TRNP1: variants seen among roughly 807,000 people sequenced by gnomAD.
TRNP1 encodes TMF-regulated nuclear protein 1.
In TRNP1, 16 loss-of-function variants were observed where a neutral mutation model predicts 12.2. That is an observed-to-expected ratio of 1.31 (90% confidence interval 0.89 to 1.99). The LOEUF (loss-of-function observed/expected upper bound fraction) is 1.99, where lower values mean the gene tolerates loss of function less well. Among genes scored for constraint, TRNP1 ranks in the 30% most tolerant of loss-of-function variants. TRNP1 has a pLI of 0.00. For synonymous variants in TRNP1, 139 were observed against 166.2 expected (o/e 0.84, Z 1.26); for missense variants, 338 against 330.4 (o/e 1.02, Z -0.18).
intron 1 of TRNP1, among the ~76,000 whole-genome samples, chr1:26,999,492 C>T (rs1432316231): frequency 6.6e-6 from 1 of 152,180 alleles, no homozygotes; most frequent in East Asian, 1.9e-4. Context: ...CTGGAGAGGC[C>T]GCCAGGACAG....
Position 26,993,813 on chromosome 1 carries a change from C to T in TRNP1, c.27C>T (p.Cys9=). MPGCRISA[C]GPGAQEGTAE... ...TGCCGGGCTGCCGCATCAGCGCCTG[C>T]GGCCCGGGGGCCCAGGAGGGGACGG... The change falls in exon 1 of 2, where the codon TGC becomes TGT. Residue 9 remains cysteine (C), a synonymous_variant. Transcript: ENST00000522111. 7.6e-7 allele frequency: 1 copy of T among 1,320,764 alleles called. No individual in the cohort carries two copies. Among genetic ancestry groups the T allele is most frequent in the Non-Finnish European group, 9.6e-7 (1 of 1,037,976 alleles). 81.8% of individuals were successfully genotyped at this position (1,320,764 alleles called of 1,614,324 possible).
intron 1 of TRNP1, among the ~76,000 whole-genome samples, chr1:26,997,077 C>A (rs112723805): frequency 0.037 from 5,527 of 151,288 alleles, 329 homozygotes; most frequent in African/African-American, 0.13. Flanking sequence ...TGGCTCATGC[C>A]TGTAATCCCA....
chr1:27,000,321 C>T lies in TRNP1; in HGVS notation c.*617C>T, dbSNP rs551022172. 4 of 152,304 alleles carry T rather than the reference C, an allele frequency of 2.6e-5. No homozygotes were observed. The South Asian group carries it at 6.2e-4, about 24-fold the overall frequency. 9.4% of individuals were successfully genotyped at this position (152,304 alleles called of 1,614,324 possible). ...GCCGGGAGGCCTGTTTGAGGGAAAA[C>T]ATTAGTTTGAAAAATCCCCGTTCCC... On this transcript the variant is annotated 3_prime_UTR_variant, in exon 2 of 2. Transcript: ENST00000522111.
At chr1:26,998,164 A>G (rs1394781451) in intron 1 of TRNP1, among the ~76,000 whole-genome samples, 3 of 151,846 alleles carry the variant, frequency 2.0e-5, no homozygotes, top group Non-Finnish European at 4.4e-5. Flanking sequence ...CGGGCGGATC[A>G]CGAGGTCAGG....
intron 1 of TRNP1, among the ~76,000 whole-genome samples, chr1:26,995,237 C>T (rs1044512557): frequency 2.6e-5 from 4 of 152,244 alleles, no homozygotes; most frequent in Admixed American, 2.6e-4. Flanking sequence ...CTGGCACCTG[C>T]TCACCCAGGG....
At position 26,994,304 on chromosome 1, in the gene TRNP1, C is replaced by A; in HGVS notation, c.518C>A (p.Pro173Gln). ...CACGGGTCGCGCCTCAAGAAGGGCC[C>A]GCGCCGCGGCCGCCGCGGCCGACCC... ...AAHGSRLKKG[P>Q]RRGRRGRPPA... Residue 173 changes from proline to glutamine, a missense_variant, in exon 1 of 2, where the codon CCG (proline) becomes CAG (glutamine). Pro to Gln is a moderately conservative substitution (Grantham distance 76). Coordinates refer to ENST00000522111, the MANE Select transcript of TRNP1 (RefSeq NM_001013642.3). The surrounding 1 kb of genome is among the most constrained non-coding windows in gnomAD (Gnocchi z 6.9). The A allele has an allele frequency of 8.7e-6, 10 of 1,143,334 alleles. No homozygotes were observed. The highest frequency in any genetic ancestry group is 1.1e-5 in the Non-Finnish European group (10 of 931,972). The allele number at this position is 1,143,334 out of a possible 1,614,324, so 70.8% of individuals were successfully genotyped here.
Position 26,993,937 on chromosome 1 carries a change from TC to T in TRNP1, c.155del (p.Pro52ArgfsTer97). 2.2e-6 allele frequency: 3 copies of T among 1,344,794 alleles called. No homozygotes were observed. Among genetic ancestry groups the T allele is most frequent in the South Asian group, 1.9e-5 (1 of 53,556 alleles). The allele number at this position is 1,344,794 out of a possible 1,614,324, so 83.3% of individuals were successfully genotyped here. A position where few individuals can be genotyped will look rare whatever the true frequency, so the allele number is the denominator to read the frequency against. On this transcript the variant is annotated frameshift_variant, in exon 1 of 2. Transcript: ENST00000522111. LOFTEE classifies it high-confidence loss of function. ...GACTCCTACCCCGACCCCGGGTCAG[TC>T]CCCGCCGCTGCCGGACGCAGCTGGG... The part of the protein sequence containing the change: ...TLTPTPTPGQ[S>X]PPLPDAAGAS...
At chr1:26,996,455 C>T (rs1557698988) in intron 1 of TRNP1, among the ~76,000 whole-genome samples, 2 of 152,264 alleles carry the variant, frequency 1.3e-5, no homozygotes, top group South Asian at 4.1e-4. Context: ...GTTAGGGAAC[C>T]CCAGGGAAGT....
intron 1 of TRNP1, among the ~76,000 whole-genome samples, chr1:26,995,748 A>C (rs560470475): frequency 3.3e-4 from 50 of 152,344 alleles, no homozygotes; most frequent in African/African-American, 1.1e-3. Flanking sequence ...CTCCTGCCTC[A>C]GCCTCCCAAG....
chr1:26,997,307 CTG>C (rs1213042099), intron 1 of TRNP1, among the ~76,000 whole-genome samples: 2 of 112,344 alleles, frequency 1.8e-5, no homozygotes, highest in South Asian at 3.6e-4. Flanking sequence ...CAGAGCAAGA[CTG>C]TGTCTCAAGA....
At chr1:26,999,145 C>CAAGGGCTTGCCTTG (rs2082560241) in intron 1 of TRNP1, among the ~76,000 whole-genome samples, 1 of 152,112 alleles carries the variant, frequency 6.6e-6, no homozygotes, top group Non-Finnish European at 1.5e-5. Flanking sequence ...TCAAGCCTCC[C>CAAGGGCTTGCCTTG]AAGGGCTTGC....
chr1:26,994,323 C>G lies in TRNP1; in HGVS notation c.537C>G (p.Gly179=), dbSNP rs4077651. 59,711 of 1,110,722 alleles carry G rather than the reference C, an allele frequency of 0.054. 1,635 individuals are homozygous for G. Among genetic ancestry groups the G allele is most frequent in the African/African-American group, 0.058 (3,460 of 59,910 alleles). The allele number at this position is 1,110,722 out of a possible 1,614,324, so 68.8% of individuals were successfully genotyped here. ...LKKGPRRGRR[G]RPPALLASAL... ...AGGGCCCGCGCCGCGGCCGCCGCGG[C>G]CGACCCCCCGCGCTGCTGGCCTCGG... Residue 179 remains glycine, a synonymous_variant, in exon 1 of 2, where the codon GGC becomes GGG. Transcript: ENST00000522111. The surrounding 1 kb of genome is among the most constrained non-coding windows in gnomAD (Gnocchi z 6.9).
At chr1:26,997,696 G>GA (rs2082552003) in intron 1 of TRNP1, among the ~76,000 whole-genome samples, 1 of 152,162 alleles carries the variant, frequency 6.6e-6, no homozygotes, top group South Asian at 2.1e-4. Flanking sequence ...TCAGCAAAGG[G>GA]AAATGAGGGG....
Position 26,993,950 on chromosome 1 carries a change from C to T in TRNP1, c.164C>T (p.Pro55Leu). The T allele has an allele frequency of 7.5e-7, 1 of 1,341,678 alleles. No homozygotes were observed. The allele number at this position is 1,341,678 out of a possible 1,614,324, so 83.1% of individuals were successfully genotyped here. ...TPTPGQSPPL[P>L]DAAGASAGAA... ...ACCCCGGGTCAGTCCCCGCCGCTGC[C>T]GGACGCAGCTGGGGCTTCAGCAGGC... Residue 55 changes from proline to leucine, a missense_variant, in exon 1 of 2, where the codon CCG becomes CTG. By Grantham distance (98) the Pro-to-Leu change is moderately conservative. Transcript: ENST00000522111.
rs1021240702 is a variant in TRNP1 at position 26,994,827 on chromosome 1, A to T, written c.*142+215A>T. ...GAGTTGGACTCTTGAGGGGGCTCAG[A>T]TCCCAGGAACGGGTTGGCGGCAAAC... On this transcript the variant is annotated intron_variant, in intron 1 of 1. Coordinates refer to ENST00000522111, the MANE Select transcript of TRNP1 (RefSeq NM_001013642.3). This position sits in a 1 kb window ranked among gnomAD's most constrained non-coding sequence, Gnocchi z 6.9. Among the ~76,000 whole-genome samples, 4 of 152,144 alleles carry T rather than the reference A, an allele frequency of 2.6e-5. No individual in the cohort carries two copies. Among genetic ancestry groups the T allele is most frequent in the African/African-American group, 9.7e-5 (4 of 41,432 alleles).
chr1:27,000,703 CCT>C lies in TRNP1; in HGVS notation c.*1002_*1003del, dbSNP rs2082568365. 1.3e-5 allele frequency: 2 copies of C among 152,330 alleles called. No homozygotes were observed. 9.4% of individuals were successfully genotyped at this position (152,330 alleles called of 1,614,324 possible). On this transcript the variant is annotated 3_prime_UTR_variant, in exon 2 of 2. Transcript: ENST00000522111. ...CTTTGCAAGTGCCCTTGCTGCCTTT[CCT>C]CTGTGTCTATTATGGCTCTTTAAGT...
In TRNP1 at chr1:26,994,040, G is replaced by A. The variant is rs1570774085; in HGVS notation, c.254G>A (p.Gly85Asp). The change falls in exon 1 of 2, where the codon GGC becomes GAC. Residue 85 changes from glycine to aspartate, a missense_variant. Gly to Asp is a moderately conservative substitution (Grantham distance 94, BLOSUM62 -1). Transcript: ENST00000522111. This position sits in a 1 kb window ranked among gnomAD's most constrained non-coding sequence, Gnocchi z 6.9. ...QGASGIAGLA[G>D]PGGGSGAAAG... The stretch of plus-strand genomic sequence containing the variant: ...GCTAGCGGGATCGCGGGGCTCGCCG[G>A]CCCCGGAGGGGGCTCTGGCGCGGCT... The A allele has an allele frequency of 2.4e-5, 30 of 1,234,494 alleles. No homozygotes were observed. Among genetic ancestry groups the A allele is most frequent in the Non-Finnish European group, 3.0e-5 (30 of 989,898 alleles). The allele number at this position is 1,234,494 out of a possible 1,614,324, so 76.5% of individuals were successfully genotyped here.
At chr1:26,996,791 A>AGTGT (rs3028532) in intron 1 of TRNP1, among the ~76,000 whole-genome samples, 1,730 of 150,862 alleles carry the variant, frequency 0.011, 21 homozygotes, top group African/African-American at 0.032. Flanking sequence ...GACACTGGCT[A>AGTGT]GTGTGTGTGT....
chr1:26,995,966 C>T (rs750996880), intron 1 of TRNP1, among the ~76,000 whole-genome samples: 5 of 152,212 alleles, frequency 3.3e-5, no homozygotes, highest in Non-Finnish European at 5.9e-5. Context: ...TGGAAACAGG[C>T]ACTGCTTTTG....
Sources: allele counts gnomAD v4.1 joint callset (sites outside exome capture counted in the v4.1 genomes callset), GRCh38; gene constraint gnomAD v4.1.1; non-coding constraint Gnocchi (gnomAD v3.1); transcripts MANE v1.5; gene names NCBI Gene and HGNC (gene_info 2026-07-23, HGNC 2026-07-21).